The following BMP6 variants were observed in gnomAD, a reference collection of about 807,000 sequenced individuals.
BMP6 encodes VG-1-R.
Under a neutral mutation model 54.1 loss-of-function variants are expected in BMP6, and 17 were observed. The observed-to-expected ratio is 0.31, with a 90% CI of 0.22 to 0.47. The LOEUF is 0.47. Ranked by LOEUF, BMP6 falls within the 20% of genes least tolerant of loss-of-function variation. The probability of loss-of-function intolerance (pLI) is 1.00; values close to 1 mark genes in which losing one functional copy is unlikely to be tolerated. For missense variants in BMP6, 720 were observed against 690.4 expected (o/e 1.04, Z -0.48); for synonymous variants, 328 against 291.2 (o/e 1.13, Z -1.28).
At chr6:7,729,132 C>A (rs1002171087) in intron 1 of BMP6, among the ~76,000 whole-genome samples, 2 of 152,162 alleles carry the variant, frequency 1.3e-5, no homozygotes, top group Non-Finnish European at 2.9e-5. Context: ...TTATTGGAAC[C>A]AAATCCAAGG....
At chr6:7,848,105 T>C (rs933130891) in intron 2 of BMP6, among the ~76,000 whole-genome samples, 2 of 152,214 alleles carry the variant, frequency 1.3e-5, no homozygotes, top group African/African-American at 4.8e-5. Context: ...GCAGAGGCCA[T>C]AGTGGTCCTT....
chr6:7,879,871 C>A, intron 5 of BMP6, 120 bp from the exon 6 acceptor site: 1 of 1,014,398 alleles, frequency 9.9e-7, no homozygotes, highest in Admixed American at 2.1e-5. Context: ...CTAAGCCTTC[C>A]TGCGTCTGTA....
intron 4 of BMP6, among the ~76,000 whole-genome samples, chr6:7,878,627 C>T (rs377037483): frequency 2.0e-5 from 3 of 151,934 alleles, no homozygotes; most frequent in African/African-American, 7.3e-5. Context: ...GGATACTCTT[C>T]TGGCCCGGCA....
At chr6:7,772,690 A>T (rs1757807288) in intron 1 of BMP6, among the ~76,000 whole-genome samples, 1 of 152,082 alleles carries the variant, frequency 6.6e-6, no homozygotes, top group African/African-American at 2.4e-5. Flanking sequence ...AGACTTCCAA[A>T]ATTTGGATTT....
intron 1 of BMP6, among the ~76,000 whole-genome samples, chr6:7,794,957 A>G (rs1758171223): frequency 6.6e-6 from 1 of 152,158 alleles, no homozygotes. Flanking sequence ...TCTATAGAGA[A>G]ATTTTCCAAG....
chr6:7,822,430 C>A (rs567968636), intron 1 of BMP6, among the ~76,000 whole-genome samples: 6 of 152,268 alleles, frequency 3.9e-5, no homozygotes, highest in Admixed American at 2.0e-4. Context: ...TGGATCAGGT[C>A]CCTGAAAATC....
At chr6:7,768,891 G>A (rs373651390) in intron 1 of BMP6, among the ~76,000 whole-genome samples, 10 of 152,074 alleles carry the variant, frequency 6.6e-5, no homozygotes, top group East Asian at 3.9e-4. Context: ...TTATAGTTAC[G>A]TGTGTCCTTT....
chr6:7,845,190 A>C lies in BMP6; in HGVS notation c.715A>C (p.Lys239Gln). The C allele has an allele frequency of 6.2e-7, 1 of 1,614,192 alleles. No homozygotes were observed. Among genetic ancestry groups the C allele is most frequent in the Non-Finnish European group, 8.5e-7 (1 of 1,180,006 alleles). The change falls in exon 2 of 7, where the codon AAG becomes CAG. Residue 239 changes from lysine (K) to glutamine (Q), a missense_variant. This residue lies in a region of BMP6 where 650 missense variants were observed against 556.3 expected (regional missense o/e 1.17). Transcript: ENST00000283147. ...TCGTCAGCGACACCACAAAGAGTTC[A>C]AGTTCAACTTATCCCAGATTCCTGA... ...SPRQRHHKEFKFNLSQIPEGE... is the reference protein window; with the variant it reads ...SPRQRHHKEFQFNLSQIPEGE...
chr6:7,726,867 C>A lies in BMP6; in HGVS notation c.-89C>A. The A allele has an allele frequency of 1.2e-6, 1 of 854,166 alleles. No homozygotes were observed. The highest frequency in any genetic ancestry group is 1.4e-6 in the Non-Finnish European group (1 of 696,628). The allele number at this position is 854,166 out of a possible 1,614,324, so 52.9% of individuals were successfully genotyped here. On this transcript the variant is annotated 5_prime_UTR_variant, in exon 1 of 7. Coordinates refer to ENST00000283147, the MANE Select transcript of BMP6 (RefSeq NM_001718.6). ...CCGCCGAGAGGTGGCGGGGACTGCT[C>A]ACGCCAAGGGCCACAGCGGCCGCGC...
intron 1 of BMP6, among the ~76,000 whole-genome samples, chr6:7,797,762 A>T (rs1758212282): frequency 6.6e-6 from 1 of 152,238 alleles, no homozygotes; most frequent in Admixed American, 6.5e-5. Flanking sequence ...TAATAACAGC[A>T]ACAAAAAGAA....
chr6:7,745,142 G>T (rs533029618), intron 1 of BMP6, among the ~76,000 whole-genome samples: 13 of 152,348 alleles, frequency 8.5e-5, no homozygotes, highest in Non-Finnish European at 1.9e-4. Context: ...TGTGTGGAAT[G>T]CCCAAAAGAT....
intron 1 of BMP6, among the ~76,000 whole-genome samples, chr6:7,842,975 C>T (rs1458208813): frequency 6.6e-6 from 1 of 152,202 alleles, no homozygotes. Context: ...AGCTGTGTGA[C>T]TGTTTTTTAG....
intron 1 of BMP6, among the ~76,000 whole-genome samples, chr6:7,818,422 C>T (rs1758561443): frequency 6.6e-6 from 1 of 152,210 alleles, no homozygotes; most frequent in Admixed American, 6.5e-5. Flanking sequence ...TATTTCAGCA[C>T]TTGTAATTCT....
chr6:7,816,181 C>T (rs529191081), intron 1 of BMP6, among the ~76,000 whole-genome samples: 1 of 152,260 alleles, frequency 6.6e-6, no homozygotes, highest in Admixed American at 6.5e-5. Context: ...CACCATTGTT[C>T]AGCATTAATT....
intron 1 of BMP6, among the ~76,000 whole-genome samples, chr6:7,819,083 A>G (rs745449049): frequency 3.3e-5 from 5 of 152,144 alleles, no homozygotes; most frequent in Non-Finnish European, 5.9e-5. Flanking sequence ...GCAATGTGAG[A>G]TTTAGGCACA....
At chr6:7,754,302 C>A (rs1030963145) in intron 1 of BMP6, among the ~76,000 whole-genome samples, 1 of 151,842 alleles carries the variant, frequency 6.6e-6, no homozygotes, top group South Asian at 2.1e-4. Flanking sequence ...TTGGAAAGAT[C>A]AGGTCTCTCC....
chr6:7,864,089 G>A (rs1759380005), intron 4 of BMP6, among the ~76,000 whole-genome samples: 1 of 152,046 alleles, frequency 6.6e-6, no homozygotes, highest in African/African-American at 2.4e-5. Flanking sequence ...CCCAGAGGAA[G>A]GGAGAGTGGA....
intron 1 of BMP6, among the ~76,000 whole-genome samples, chr6:7,821,576 T>C (rs946718643): frequency 6.6e-6 from 1 of 152,218 alleles, no homozygotes; most frequent in Non-Finnish European, 1.5e-5. Flanking sequence ...GGCATCATAG[T>C]GTAATGATGA....
chr6:7,756,432 T>C (rs866731328), intron 1 of BMP6, among the ~76,000 whole-genome samples: 1 of 152,238 alleles, frequency 6.6e-6, no homozygotes, highest in East Asian at 1.9e-4. Flanking sequence ...ATAATACCAA[T>C]TGTAAGGTCC....
Sources: allele counts gnomAD v4.1 joint callset (sites outside exome capture counted in the v4.1 genomes callset), GRCh38; gene constraint gnomAD v4.1.1; regional missense constraint gnomAD v4.1.1; transcripts MANE v1.5; gene names NCBI Gene and HGNC (gene_info 2026-07-23, HGNC 2026-07-21).